The following SYT1 variants were observed in gnomAD, a reference collection of about 807,000 sequenced individuals.
SYT1 encodes the protein synaptotagmin 1.
A neutral mutation model predicts 44.8 loss-of-function variants in SYT1; 8 were observed. That is an observed-to-expected ratio of 0.18 (90% CI 0.10 to 0.32). The LOEUF (loss-of-function observed/expected upper bound fraction) is 0.32, where lower values mean the gene tolerates loss of function less well. SYT1 is among the 10% of genes least tolerant of loss of function. The pLI is 1.00. For missense variants in SYT1, 286 were observed against 509.3 expected (o/e 0.56, Z 4.22); for synonymous variants, 154 against 188.8 (o/e 0.82, Z 1.51).
chr12:79,408,474 T>A (rs1343860994), intron 9 of SYT1, among the ~76,000 whole-genome samples: 1 of 152,124 alleles, frequency 6.6e-6, no homozygotes, highest in East Asian at 1.9e-4. Context: ...TGCACATTCT[T>A]ACTGAGACTT....
In SYT1 at chr12:79,172,665, T is replaced by C. The variant is rs143593747; in HGVS notation, c.-17-44838T>C. 7.1e-3 allele frequency among the ~76,000 whole-genome samples: 1,077 copies of C among 151,886 alleles called. 11 individuals are homozygous for C. The highest frequency in any genetic ancestry group is 0.024 in the African/African-American group (1,005 of 41,480). ...TAAATTTTTGAGCTAAGAAAATCAG[T>C]CACAACACTTGAGATTTGTCAATTT... On this transcript the variant is annotated intron_variant, in intron 3 of 10. Transcript: ENST00000261205.
At chr12:79,211,406 A>C (rs1388412442) in intron 3 of SYT1, among the ~76,000 whole-genome samples, 1 of 152,154 alleles carries the variant, frequency 6.6e-6, no homozygotes, top group African/African-American at 2.4e-5. Context: ...TTAATTTTTT[A>C]TTGAGAATTT....
At chr12:78,877,103 G>A (rs966799562) in intron 1 of SYT1, among the ~76,000 whole-genome samples, 1 of 149,548 alleles carries the variant, frequency 6.7e-6, no homozygotes, top group Non-Finnish European at 1.5e-5. Context: ...GTATTAGTCT[G>A]TTCTCACGCT....
At chr12:79,115,985 T>A (rs1284405691) in intron 3 of SYT1, among the ~76,000 whole-genome samples, 3 of 152,198 alleles carry the variant, frequency 2.0e-5, no homozygotes, top group Non-Finnish European at 4.4e-5. Context: ...ATTCTAATGA[T>A]GTGAACAAGA....
intron 1 of SYT1, among the ~76,000 whole-genome samples, chr12:78,910,728 G>T (rs559100745): frequency 6.6e-6 from 1 of 152,064 alleles, no homozygotes; most frequent in East Asian, 1.9e-4. Flanking sequence ...ACAGAAGAGG[G>T]TAAAATATAC....
intron 3 of SYT1, among the ~76,000 whole-genome samples, chr12:79,179,969 C>G (rs2138406756): frequency 6.6e-6 from 1 of 152,030 alleles, no homozygotes; most frequent in Admixed American, 6.6e-5. Flanking sequence ...TCAACCAATC[C>G]CTATAATTTG....
At chr12:79,305,519 G>C (rs1227817723) in intron 8 of SYT1, among the ~76,000 whole-genome samples, 2 of 151,556 alleles carry the variant, frequency 1.3e-5, no homozygotes, top group African/African-American at 4.9e-5. Flanking sequence ...CATTTACTGA[G>C]AGTCTACTAT....
At chr12:78,887,053 C>G (rs931496765) in intron 1 of SYT1, among the ~76,000 whole-genome samples, 1 of 152,130 alleles carries the variant, frequency 6.6e-6, no homozygotes, top group Non-Finnish European at 1.5e-5. Flanking sequence ...TCCTTACCCA[C>G]GATTTCACTT....
rs963209828 is a variant in SYT1, at chr12:79,056,152, C to T, written c.-18+8790C>T. Among the ~76,000 whole-genome samples the T allele has an allele frequency of 2.6e-5, 4 of 151,912 alleles. No individual in the cohort carries two copies. The East Asian group carries it at 7.7e-4, about 29-fold the overall frequency. On this transcript the variant is annotated intron_variant, in intron 3 of 10. Coordinates refer to ENST00000261205, the MANE Select transcript of SYT1 (RefSeq NM_005639.3). ...ATGCTGTTCAGCAACAACAAAATTG[C>T]CTAATGATGCATTTCTCAGGATGTA... is the stretch of plus-strand genomic sequence containing the variant.
chr12:79,194,310 A>T (rs1873310866), intron 3 of SYT1, among the ~76,000 whole-genome samples: 1 of 152,120 alleles, frequency 6.6e-6, no homozygotes, highest in Non-Finnish European at 1.5e-5. Flanking sequence ...CTGAGTGGGT[A>T]TGATTGGTGT....
At chr12:79,358,678 A>G (rs1472059544) in intron 9 of SYT1, among the ~76,000 whole-genome samples, 2 of 152,184 alleles carry the variant, frequency 1.3e-5, no homozygotes, top group Non-Finnish European at 2.9e-5. Context: ...CTAATATAGC[A>G]TTCAGCCTTG....
chr12:78,910,428 CAAAT>C (rs1317729767), intron 1 of SYT1, among the ~76,000 whole-genome samples: 1 of 151,900 alleles, frequency 6.6e-6, no homozygotes, highest in Non-Finnish European at 1.5e-5. Context: ...CTCTAGGACT[CAAAT>C]AATAAAAAGG....
At chr12:79,066,532 T>C (rs968728340) in intron 3 of SYT1, among the ~76,000 whole-genome samples, 10 of 151,474 alleles carry the variant, frequency 6.6e-5, no homozygotes, top group African/African-American at 2.2e-4. Flanking sequence ...CATATCATCA[T>C]CTGGGGAGAG....
chr12:79,262,962 A>G (rs1877913678), intron 4 of SYT1, among the ~76,000 whole-genome samples: 1 of 152,216 alleles, frequency 6.6e-6, no homozygotes, highest in Non-Finnish European at 1.5e-5. Flanking sequence ...GTGTGCTTCA[A>G]GAAAGTCCTG....
chr12:79,110,963 G>C (rs1039255489), intron 3 of SYT1, among the ~76,000 whole-genome samples: 4 of 152,092 alleles, frequency 2.6e-5, no homozygotes, highest in African/African-American at 4.8e-5. Context: ...TGATGAAGTT[G>C]GATTATGCAG....
At chr12:78,881,958 A>T (rs573840001) in intron 1 of SYT1, among the ~76,000 whole-genome samples, 25 of 133,608 alleles carry the variant, frequency 1.9e-4, no homozygotes, top group East Asian at 8.6e-4. Context: ...GTCTCCCATT[A>T]TATTTCCCAT....
chr12:79,316,494 G>C (rs1405398368), intron 8 of SYT1, among the ~76,000 whole-genome samples: 1 of 152,172 alleles, frequency 6.6e-6, no homozygotes, highest in Non-Finnish European at 1.5e-5. Context: ...CTGAACTGCT[G>C]GTTCATAGGT....
intron 1 of SYT1, among the ~76,000 whole-genome samples, chr12:78,966,221 A>C (rs1167268079): frequency 6.6e-6 from 1 of 152,042 alleles, no homozygotes; most frequent in Non-Finnish European, 1.5e-5. Flanking sequence ...TTAAACATTT[A>C]CATTTATTTG....
chr12:79,371,246 C>T lies in SYT1; in HGVS notation c.928+17627C>T, dbSNP rs78770324. Among the ~76,000 whole-genome samples the T allele has an allele frequency of 1.6e-3, 241 of 152,292 alleles. 5 individuals carry two copies. The East Asian group carries it at 0.027, about 17-fold the overall frequency. On this transcript the variant is annotated intron_variant, in intron 9 of 10. Transcript: ENST00000261205. The stretch of plus-strand genomic sequence containing the variant: ...CTCCTCACTCCAGCTGCATCTGTTA[C>T]CTAAGCCTGCCCACTTACTCACAGC...
Sources: gnomAD v4.1 joint callset for allele counts (sites outside exome capture counted in the v4.1 genomes callset) on GRCh38, gnomAD v4.1.1 for gene constraint, MANE v1.5 for transcripts, NCBI Gene and HGNC (gene_info 2026-07-23, HGNC 2026-07-21) for gene names.